ASCC3: variants seen among roughly 807,000 people sequenced by gnomAD.
ASCC3 encodes activating signal cointegrator 1 complex subunit 3.
ASCC3 carries 158 observed loss-of-function variants against 256.3 expected under a neutral mutation model. The observed-to-expected ratio is 0.62, with a 90% CI of 0.54 to 0.70. The LOEUF is 0.70. ASCC3 is among the 30% of genes least tolerant of loss of function. The probability of loss-of-function intolerance (pLI) is 0.00; values close to 1 mark genes in which losing one functional copy is unlikely to be tolerated. For missense variants in ASCC3, 2,259 were observed against 2,626.0 expected (o/e 0.86, Z 3.05); for synonymous variants, 948 against 883.4 (o/e 1.07, Z -1.30).
At position 100,576,910 on chromosome 6, in the gene ASCC3, G is replaced by GA. The variant is rs930659678; in HGVS notation, c.5550+12723dup. On this transcript the variant is annotated intron_variant, in intron 36 of 41. Transcript: ENST00000369162. ...CAGTCTCAAAAGAGATGTCACAGGA[G>GA]AAAAAAAAAATGAGTGGAAGTGTAT... Among the ~76,000 whole-genome samples, 615 of 144,352 alleles carry GA rather than the reference G, an allele frequency of 4.3e-3. 4 individuals are homozygous for GA. The highest frequency in any genetic ancestry group is 0.014 in the African/African-American group (550 of 39,300). The allele number at this position is 144,352 out of a possible 152,430, so 94.7% of individuals were successfully genotyped here.
intron 29 of ASCC3, 70 bp downstream of exon 29, chr6:100,627,520 C>T: frequency 6.3e-7 from 1 of 1,592,870 alleles, no homozygotes; most frequent in African/African-American, 1.3e-5. Flanking sequence ...GAAACCAACA[C>T]CAATTAGAAG....
chr6:100,807,139 T>C (rs888297349), intron 4 of ASCC3, among the ~76,000 whole-genome samples: 2 of 151,812 alleles, frequency 1.3e-5, no homozygotes, highest in African/African-American at 2.4e-5. Flanking sequence ...ATATGCAATA[T>C]ATTGTAATAA....
intron 34 of ASCC3, among the ~76,000 whole-genome samples, chr6:100,595,952 T>A (rs889113760): frequency 6.6e-6 from 1 of 152,194 alleles, no homozygotes; most frequent in Admixed American, 6.5e-5. Flanking sequence ...TAAAGATAAA[T>A]GCTTATTTTA....
intron 30 of ASCC3, among the ~76,000 whole-genome samples, chr6:100,608,962 C>T (rs892715776): frequency 1.3e-5 from 2 of 148,656 alleles, no homozygotes; most frequent in African/African-American, 2.5e-5. Context: ...ACGGGGTTTC[C>T]CGTGTTAGCC....
At chr6:100,837,861 T>C (rs1771952924) in intron 4 of ASCC3, among the ~76,000 whole-genome samples, 1 of 151,942 alleles carries the variant, frequency 6.6e-6, no homozygotes, top group East Asian at 1.9e-4. Context: ...TGTTGGGTAT[T>C]TCAAAAAAGC....
At chr6:100,809,067 T>G (rs1286011601) in intron 4 of ASCC3, among the ~76,000 whole-genome samples, 1 of 151,974 alleles carries the variant, frequency 6.6e-6, no homozygotes, top group East Asian at 1.9e-4. Context: ...TTACTCTAGT[T>G]GAGTCAGTGA....
intron 1 of ASCC3, among the ~76,000 whole-genome samples, chr6:100,870,394 G>A (rs762286413): frequency 5.9e-5 from 9 of 151,470 alleles, no homozygotes; most frequent in Non-Finnish European, 8.8e-5. Flanking sequence ...TTTGGCAAGC[G>A]CAGTCTCTGC....
intron 13 of ASCC3, among the ~76,000 whole-genome samples, chr6:100,710,315 T>C (rs960318116): frequency 1.3e-5 from 2 of 152,114 alleles, no homozygotes; most frequent in East Asian, 1.9e-4. Flanking sequence ...GCTGTGTGCA[T>C]TCTCCATTCC....
intron 1 of ASCC3, among the ~76,000 whole-genome samples, chr6:100,872,428 CTT>C (rs1773785688): frequency 7.6e-6 from 1 of 131,756 alleles, no homozygotes; most frequent in African/African-American, 3.0e-5. Context: ...TAACTGAAAA[CTT>C]TAAAGCTCCC....
chr6:100,879,637 AT>A (rs1262756868), intron 1 of ASCC3, among the ~76,000 whole-genome samples: 2 of 151,160 alleles, frequency 1.3e-5, no homozygotes, highest in Non-Finnish European at 3.0e-5. Flanking sequence ...AAAGAAACTG[AT>A]TTCTACCTCA....
chr6:100,777,224 T>G (rs1022658725), intron 8 of ASCC3, among the ~76,000 whole-genome samples: 1 of 152,164 alleles, frequency 6.6e-6, no homozygotes, highest in African/African-American at 2.4e-5. Flanking sequence ...TACTGACTAC[T>G]TTACATGTGT....
intron 13 of ASCC3, among the ~76,000 whole-genome samples, chr6:100,712,068 C>CA (rs1382099937): frequency 4.0e-5 from 6 of 151,530 alleles, no homozygotes; most frequent in Non-Finnish European, 7.4e-5. Flanking sequence ...CATCAATATG[C>CA]AAAAAAAATG....
intron 9 of ASCC3, among the ~76,000 whole-genome samples, 187 bp from the exon 10 acceptor site, chr6:100,766,892 T>C (rs1421516052): frequency 2.0e-5 from 3 of 152,206 alleles, no homozygotes; most frequent in Non-Finnish European, 4.4e-5. Flanking sequence ...TAAAGGACAA[T>C]AGAATTTGTT....
In ASCC3 at chr6:100,881,154, G is replaced by T. The variant is rs971341138; in HGVS notation, c.-135C>A. On this transcript the variant is annotated 5_prime_UTR_variant, in exon 1 of 42. Coordinates refer to ENST00000369162, the MANE Select transcript of ASCC3 (RefSeq NM_006828.4). ...GTTTTACTTTAACTTCCCACGCCGG[G>T]TGAGGAGCTGAGCGCAGGGCCAAAG... The T allele has an allele frequency of 6.6e-6, 1 of 152,286 alleles. No individual in the cohort carries two copies. The highest frequency in any genetic ancestry group is 2.4e-5 in the African/African-American group (1 of 41,466). 9.4% of individuals were successfully genotyped at this position (152,286 alleles called of 1,614,324 possible).
At chr6:100,770,056 C>CA (rs566325946) in intron 8 of ASCC3, among the ~76,000 whole-genome samples, 2,085 of 151,022 alleles carry the variant, frequency 0.014, 23 homozygotes, top group East Asian at 0.045. Flanking sequence ...TAAACTATTT[C>CA]AAAAAAAATG....
chr6:100,637,327 T>C (rs991279659), intron 25 of ASCC3, among the ~76,000 whole-genome samples: 6 of 152,194 alleles, frequency 3.9e-5, no homozygotes, highest in African/African-American at 9.7e-5. Flanking sequence ...TTATTGAATA[T>C]TTTAAGCCCA....
At chr6:100,652,323 C>T (rs910350276) in intron 18 of ASCC3, among the ~76,000 whole-genome samples, 1 of 152,146 alleles carries the variant, frequency 6.6e-6, no homozygotes, top group East Asian at 1.9e-4. Context: ...GGATTGATTT[C>T]AACCGGATCA....
chr6:100,608,087 T>TCGATATACAC (rs1562160923), intron 30 of ASCC3, among the ~76,000 whole-genome samples: 1 of 130,296 alleles, frequency 7.7e-6, no homozygotes, highest in Admixed American at 8.3e-5. Flanking sequence ...TATGTATATA[T>TCGATATACAC]ATCTATATAC....
chr6:100,878,394 T>C (rs920834413), intron 1 of ASCC3, among the ~76,000 whole-genome samples: 1 of 152,126 alleles, frequency 6.6e-6, no homozygotes, highest in Non-Finnish European at 1.5e-5. Flanking sequence ...ATTCAGAATA[T>C]TCCCCCCCAA....
Sources: gnomAD v4.1 joint callset for allele counts (sites outside exome capture counted in the v4.1 genomes callset) on GRCh38, gnomAD v4.1.1 for gene constraint, MANE v1.5 for transcripts, NCBI Gene and HGNC (gene_info 2026-07-23, HGNC 2026-07-21) for gene names.